Variants in RALYL observed in about 807,000 individuals in gnomAD.
RALYL encodes the protein RALY RNA binding protein like.
RALYL carries 29 observed loss-of-function variants against 35.1 expected under a neutral mutation model. That is an observed-to-expected ratio of 0.83 (90% CI 0.61 to 1.13). The LOEUF (loss-of-function observed/expected upper bound fraction) is 1.13. Ranked by LOEUF, RALYL falls within the 50% of genes most tolerant of loss-of-function variation. RALYL has a pLI of 0.00. For missense variants in RALYL, 359 were observed against 360.4 expected (o/e 1.00, Z 0.03); for synonymous variants, 120 against 127.6 (o/e 0.94, Z 0.40).
In RALYL at chr8:84,443,578, T is replaced by C. The variant is rs186350384; in HGVS notation, c.-23-85721T>C. On this transcript the variant is annotated intron_variant, in intron 1 of 8. Transcript: ENST00000521268. ...ACTCAGTCTGTACATATGAAACATT[T>C]AGTCCCTTGCTTGGTATAGAGCGTG... Among the ~76,000 whole-genome samples, 21 of 152,252 alleles carry C rather than the reference T, an allele frequency of 1.4e-4. No individual in the cohort carries two copies. In the East Asian group the frequency reaches 2.3e-3, roughly 17 times the overall value.
chr8:84,198,497 C>A (rs1191555889), intron 1 of RALYL, among the ~76,000 whole-genome samples: 1 of 152,120 alleles, frequency 6.6e-6, no homozygotes, highest in Non-Finnish European at 1.5e-5. Flanking sequence ...AGCATTTACC[C>A]TTTGTGTTAC....
chr8:84,296,875 A>G (rs970612516), intron 1 of RALYL, among the ~76,000 whole-genome samples: 4 of 151,900 alleles, frequency 2.6e-5, no homozygotes, highest in African/African-American at 9.7e-5. Flanking sequence ...TTTGTTGCCT[A>G]AAGAGTCTTA....
intron 8 of RALYL, among the ~76,000 whole-genome samples, chr8:84,903,048 T>G (rs1000435026): frequency 6.6e-6 from 1 of 152,084 alleles, no homozygotes; most frequent in African/African-American, 2.4e-5. Context: ...GTGAGACTCT[T>G]ATTTTTTTTA....
At chr8:84,240,524 A>G (rs1827620123) in intron 1 of RALYL, among the ~76,000 whole-genome samples, 1 of 152,204 alleles carries the variant, frequency 6.6e-6, no homozygotes, top group East Asian at 1.9e-4. Context: ...TCATTCTTCA[A>G]GATGATAGAA....
chr8:84,202,044 C>T (rs546311658), intron 1 of RALYL, among the ~76,000 whole-genome samples: 9 of 151,896 alleles, frequency 5.9e-5, no homozygotes, highest in Non-Finnish European at 7.4e-5. Flanking sequence ...TGTCATGCCC[C>T]ATTGTGAATA....
chr8:84,653,657 T>G (rs1345764137), intron 2 of RALYL, among the ~76,000 whole-genome samples: 1 of 151,812 alleles, frequency 6.6e-6, no homozygotes. Context: ...CCACACATCT[T>G]ACTTTTCCCC....
intron 1 of RALYL, among the ~76,000 whole-genome samples, chr8:84,227,437 T>C (rs1586352386): frequency 6.6e-6 from 1 of 152,124 alleles, no homozygotes; most frequent in Non-Finnish European, 1.5e-5. Flanking sequence ...GATTGTAAGA[T>C]CTTTGTGTAT....
At chr8:84,547,385 A>T (rs28562876) in intron 2 of RALYL, among the ~76,000 whole-genome samples, 15 of 150,012 alleles carry the variant, frequency 1.0e-4, no homozygotes, top group Non-Finnish European at 1.0e-4. Flanking sequence ...TTATTTTTTT[A>T]ATTTTTTTTT....
intron 2 of RALYL, among the ~76,000 whole-genome samples, chr8:84,550,426 G>A (rs558260202): frequency 6.6e-6 from 1 of 152,070 alleles, no homozygotes; most frequent in South Asian, 2.1e-4. Context: ...CAACACATGA[G>A]CAAACTTATT....
At chr8:84,858,776 C>A (rs1012780231) in intron 5 of RALYL, among the ~76,000 whole-genome samples, 10 of 152,168 alleles carry the variant, frequency 6.6e-5, no homozygotes, top group Non-Finnish European at 1.0e-4. Context: ...TATATCCCAT[C>A]TTGCAATCGC....
Position 84,301,871 on chromosome 8 carries a change from A to AT in RALYL, c.-24+117447_-24+117448insT, listed in dbSNP as rs572003028. Among the ~76,000 whole-genome samples the AT allele has an allele frequency of 1.1e-3, 172 of 152,200 alleles. 2 individuals are homozygous for AT. The highest frequency in any genetic ancestry group is 4.0e-3 in the African/African-American group (166 of 41,540). On this transcript the variant is annotated intron_variant, in intron 1 of 8. Coordinates refer to ENST00000521268, the MANE Select transcript of RALYL (RefSeq NM_173848.7). ...ACTTATCTTTTTCTTCTCCTTATATAACTTATATCTAATGAGCATCCTTTC... is the reference window on the plus strand; with the variant it reads ...ACTTATCTTTTTCTTCTCCTTATATATACTTATATCTAATGAGCATCCTTTC...
At chr8:84,811,254 A>G (rs1346163294) in intron 4 of RALYL, among the ~76,000 whole-genome samples, 1 of 152,096 alleles carries the variant, frequency 6.6e-6, no homozygotes, top group African/African-American at 2.4e-5. Flanking sequence ...GAAAGATGGT[A>G]TGTTTCCTTT....
In RALYL at chr8:84,808,390, C is replaced by T. The variant is rs192811606; in HGVS notation, c.365+3588C>T. ...GCCTATTTTTATACCAGTACCACAC[C>T]GTTTTGGTGACTATGTCCTTGTAAT... is the stretch of plus-strand genomic sequence containing the variant. On this transcript the variant is annotated intron_variant, in intron 4 of 8. Transcript: ENST00000521268. Among the ~76,000 whole-genome samples the T allele has an allele frequency of 3.4e-3, 520 of 152,106 alleles. 4 individuals are homozygous for T. Among genetic ancestry groups the T allele is most frequent in the African/African-American group, 0.012 (489 of 41,520 alleles).
chr8:84,295,203 G>A (rs1293216889), intron 1 of RALYL, among the ~76,000 whole-genome samples: 3 of 152,248 alleles, frequency 2.0e-5, no homozygotes, highest in South Asian at 2.1e-4. Flanking sequence ...CTTTCAAACA[G>A]AGAAAATTTG....
At chr8:84,522,398 C>T (rs571690263) in intron 1 of RALYL, among the ~76,000 whole-genome samples, 149 of 151,628 alleles carry the variant, frequency 9.8e-4, no homozygotes, top group African/African-American at 3.6e-3. Flanking sequence ...TACAGGCGCC[C>T]GCCACTACGC....
intron 1 of RALYL, among the ~76,000 whole-genome samples, chr8:84,219,192 A>G (rs1821584400): frequency 6.6e-6 from 1 of 152,076 alleles, no homozygotes; most frequent in African/African-American, 2.4e-5. Flanking sequence ...GTGTCAAGGA[A>G]GAGACCTGGT....
chr8:84,643,014 G>A (rs1303871467), intron 2 of RALYL, among the ~76,000 whole-genome samples: 1 of 151,960 alleles, frequency 6.6e-6, no homozygotes, highest in South Asian at 2.1e-4. Context: ...TAAGGCTGTA[G>A]GTGGCTCCTG....
chr8:84,573,157 A>G (rs922803378), intron 2 of RALYL, among the ~76,000 whole-genome samples: 19 of 151,490 alleles, frequency 1.3e-4, no homozygotes, highest in Non-Finnish European at 2.2e-4. Context: ...TTTTAAATAA[A>G]TTTAAAAAAT....
At chr8:84,352,484 G>A (rs888229532) in intron 1 of RALYL, among the ~76,000 whole-genome samples, 2 of 150,310 alleles carry the variant, frequency 1.3e-5, no homozygotes, top group Non-Finnish European at 3.0e-5. Context: ...TCCTGAGAGT[G>A]TATACCACTT....
Sources: allele counts gnomAD v4.1 joint callset (sites outside exome capture counted in the v4.1 genomes callset), GRCh38; gene constraint gnomAD v4.1.1; transcripts MANE v1.5; gene names NCBI Gene and HGNC (gene_info 2026-07-23, HGNC 2026-07-21).